Variants in PLCG2 observed in about 807,000 individuals in gnomAD.
PLCG2 encodes the protein phospholipase C gamma 2, also known as 1-phosphatidylinositol 4,5-bisphosphate phosphodiesterase gamma-2.
In PLCG2, 69 loss-of-function variants were observed where a neutral mutation model predicts 175.6. The observed-to-expected ratio is 0.39, with a 90% CI of 0.32 to 0.48. PLCG2 has a LOEUF of 0.48. Among genes scored for constraint, PLCG2 ranks in the 20% least tolerant of loss-of-function variants. The pLI is 0.91. For synonymous variants in PLCG2, 827 were observed against 624.0 expected (o/e 1.33, Z -4.85); for missense variants, 1,798 against 1,650.9 (o/e 1.09, Z -1.54).
chr16:81,802,021 G>T (rs535489228), intron 2 of PLCG2, among the ~76,000 whole-genome samples: 5 of 147,536 alleles, frequency 3.4e-5, no homozygotes, highest in Non-Finnish European at 7.4e-5. Context: ...ATCTGTGGCT[G>T]TGCAGAGGTG....
intron 5 of PLCG2, among the ~76,000 whole-genome samples, chr16:81,860,348 G>A (rs554884692): frequency 6.6e-6 from 1 of 152,056 alleles, no homozygotes; most frequent in South Asian, 2.1e-4. Flanking sequence ...ATGCTGCTGT[G>A]GAAACCTTTG....
At chr16:81,799,041 C>T (rs989728597) in intron 2 of PLCG2, 2 of 152,272 alleles carry the variant, frequency 1.3e-5, no homozygotes, top group South Asian at 4.1e-4. Flanking sequence ...GGCCCAAGCC[C>T]AGCGTGGCGC....
intron 2 of PLCG2, among the ~76,000 whole-genome samples, chr16:81,760,304 G>A (rs893449835): frequency 1.4e-4 from 22 of 152,274 alleles, no homozygotes; most frequent in African/African-American, 5.3e-4. Flanking sequence ...AGCATGGCTG[G>A]TTCTGCTGGG....
chr16:81,842,076 T>C (rs1173337401), intron 2 of PLCG2, among the ~76,000 whole-genome samples: 1 of 152,240 alleles, frequency 6.6e-6, no homozygotes, highest in African/African-American at 2.4e-5. Flanking sequence ...CATCACTGCT[T>C]GTACAGCGGA....
intron 25 of PLCG2, among the ~76,000 whole-genome samples, chr16:81,933,270 C>T (rs1468918089): frequency 6.6e-6 from 1 of 152,172 alleles, no homozygotes; most frequent in Non-Finnish European, 1.5e-5. Flanking sequence ...GACGGAGTTC[C>T]CACACTGGGC....
At chr16:81,768,219 T>C (rs1187262038) in intron 2 of PLCG2, among the ~76,000 whole-genome samples, 1 of 152,236 alleles carries the variant, frequency 6.6e-6, no homozygotes, top group Non-Finnish European at 1.5e-5. Context: ...CATTTGAGAT[T>C]CAGCCTTGGT....
chr16:81,773,799 C>G (rs926009705), intron 2 of PLCG2, among the ~76,000 whole-genome samples: 1 of 152,132 alleles, frequency 6.6e-6, no homozygotes, highest in African/African-American at 2.4e-5. Flanking sequence ...CTTACAGCGG[C>G]TGCAAATGCT....
upstream of PLCG2, among the ~76,000 whole-genome samples, chr16:81,775,657 G>C (rs967416051): frequency 2.6e-5 from 4 of 152,154 alleles, no homozygotes; most frequent in African/African-American, 9.7e-5. Flanking sequence ...GAGGGTAATA[G>C]GGAAAAGCAT....
At chr16:81,861,528 CTCT>C (rs1206859527) in intron 5 of PLCG2, among the ~76,000 whole-genome samples, 13 of 152,238 alleles carry the variant, frequency 8.5e-5, no homozygotes, top group African/African-American at 2.7e-4. Context: ...TCTCTCCGTC[CTCT>C]TCTTCTCATC....
intron 12 of PLCG2, among the ~76,000 whole-genome samples, chr16:81,894,222 A>C (rs1023120745): frequency 6.6e-6 from 1 of 151,966 alleles, no homozygotes; most frequent in Admixed American, 6.6e-5. Flanking sequence ...TGAGGCCAAG[A>C]GTTTGAGACC....
At chr16:81,927,798 A>T (rs1018380240) in intron 23 of PLCG2, among the ~76,000 whole-genome samples, 1 of 152,196 alleles carries the variant, frequency 6.6e-6, no homozygotes, top group African/African-American at 2.4e-5. Context: ...GTCAAGTTAG[A>T]GTTCAACAGC....
chr16:81,840,928 T>C (rs7201402), intron 2 of PLCG2, among the ~76,000 whole-genome samples: 100,331 of 151,490 alleles, frequency 0.66, 33,488 homozygotes, highest in East Asian at 0.71. Context: ...CTTCCTCCCT[T>C]GGGGATGGGG....
chr16:81,813,029 T>A (rs554120705), intron 2 of PLCG2, among the ~76,000 whole-genome samples: 16 of 152,318 alleles, frequency 1.1e-4, no homozygotes, highest in African/African-American at 3.8e-4. Context: ...GTTGCAATGG[T>A]CTGTATATCT....
chr16:81,868,394 G>T (rs1268151927), intron 5 of PLCG2, among the ~76,000 whole-genome samples: 1 of 152,114 alleles, frequency 6.6e-6, no homozygotes, highest in Admixed American at 6.5e-5. Context: ...TTTTGGGGGT[G>T]CAGGGGGTCC....
chr16:81,910,812 C>G, intron 18 of PLCG2, 92 bp downstream of exon 18: 1 of 1,198,930 alleles, frequency 8.3e-7, no homozygotes, highest in Non-Finnish European at 1.2e-6. Context: ...CCGGGCCAGT[C>G]CCCCAGGACA....
At chr16:81,871,290 A>G (rs891657052) in intron 7 of PLCG2, among the ~76,000 whole-genome samples, 1 of 152,224 alleles carries the variant, frequency 6.6e-6, no homozygotes, top group Non-Finnish European at 1.5e-5. Context: ...GTTATTATTA[A>G]TAGCCATCTC....
At chr16:81,952,359 A>G (rs902342471) in intron 31 of PLCG2, among the ~76,000 whole-genome samples, 8 of 152,196 alleles carry the variant, frequency 5.3e-5, no homozygotes, top group Admixed American at 3.9e-4. Context: ...GAGTGCCTAG[A>G]ACTTATGACA....
At chr16:81,889,982 T>A (rs771919012) in intron 10 of PLCG2, among the ~76,000 whole-genome samples, 5 of 151,942 alleles carry the variant, frequency 3.3e-5, no homozygotes, top group Non-Finnish European at 5.9e-5. Context: ...TTAAAGATTG[T>A]TTGGCGGGCC....
intron 2 of PLCG2, among the ~76,000 whole-genome samples, chr16:81,801,083 T>G (rs577904282): frequency 6.6e-6 from 1 of 152,192 alleles, no homozygotes; most frequent in Non-Finnish European, 1.5e-5. Context: ...ATGAGACTCA[T>G]GACTTTTGCT....
Sources: allele counts gnomAD v4.1 joint callset (sites outside exome capture counted in the v4.1 genomes callset), GRCh38; gene constraint gnomAD v4.1.1; transcripts MANE v1.5; gene names NCBI Gene and HGNC (gene_info 2026-07-23, HGNC 2026-07-21).